The following ADAMTSL1 variants were observed in gnomAD, a reference collection of about 807,000 sequenced individuals.
ADAMTSL1 encodes the protein ADAMTS-like protein 1.
In ADAMTSL1, 126 loss-of-function variants were observed where a neutral mutation model predicts 201.8. That is an observed-to-expected ratio of 0.62 (90% CI 0.54 to 0.72). The LOEUF (loss-of-function observed/expected upper bound fraction) is 0.72. Among genes scored for constraint, ADAMTSL1 ranks in the 30% least tolerant of loss-of-function variants. The probability of loss-of-function intolerance (pLI) is 0.00; values close to 1 mark genes in which losing one functional copy is unlikely to be tolerated. For missense variants in ADAMTSL1, 2,679 were observed against 2,277.8 expected (o/e 1.18, Z -3.59); for synonymous variants, 1,121 against 903.4 (o/e 1.24, Z -4.32).
At chr9:18,791,486 T>C (rs1822048189) in intron 19 of ADAMTSL1, among the ~76,000 whole-genome samples, 1 of 152,038 alleles carries the variant, frequency 6.6e-6, no homozygotes, top group Non-Finnish European at 1.5e-5. Context: ...ACTAAACAGT[T>C]GAGTCTTATG....
intron 7 of ADAMTSL1, among the ~76,000 whole-genome samples, chr9:18,647,693 G>A (rs13300862): frequency 0.095 from 13,672 of 143,546 alleles, 781 homozygotes; most frequent in Non-Finnish European, 0.14. Context: ...GTAGTTGAGT[G>A]GTTTTGAGTG....
chr9:18,244,842 C>G (rs1443908232), intron 2 of ADAMTSL1, among the ~76,000 whole-genome samples: 1 of 152,096 alleles, frequency 6.6e-6, no homozygotes, highest in Non-Finnish European at 1.5e-5. Context: ...CCCCTTCCAC[C>G]CTACTGTAAC....
intron 15 of ADAMTSL1, chr9:18,723,005 G>A (rs1471295282): frequency 5.1e-6 from 4 of 778,800 alleles, no homozygotes; most frequent in Non-Finnish European, 9.6e-6. Context: ...CTACAGTCCT[G>A]TCATCTAGGA....
At chr9:18,344,679 C>A (rs969931971) in intron 2 of ADAMTSL1, among the ~76,000 whole-genome samples, 2 of 152,086 alleles carry the variant, frequency 1.3e-5, no homozygotes, top group Non-Finnish European at 2.9e-5. Context: ...TGGCCATTAA[C>A]ATTGATACAG....
Position 18,436,719 on chromosome 9 carries a change from C to T in ADAMTSL1, c.208-68110C>T, listed in dbSNP as rs56366948. Among the ~76,000 whole-genome samples the T allele has an allele frequency of 1.8e-4, 27 of 152,286 alleles. No individual in the cohort carries two copies. In the South Asian group the frequency reaches 4.4e-3, roughly 25 times the overall value. On this transcript the variant is annotated intron_variant, in intron 2 of 29. Transcript: ENST00000680146. ...TAATTGATGCTGCTGATTCCCCCCT[C>T]CTCCTGGAAAATCCCTCTTTAGTTT...
At chr9:18,137,984 C>T (rs1004953144) in intron 1 of ADAMTSL1, among the ~76,000 whole-genome samples, 2 of 152,032 alleles carry the variant, frequency 1.3e-5, no homozygotes, top group South Asian at 2.1e-4. Flanking sequence ...AGTGGACAGC[C>T]GGACCAACTC....
chr9:17,982,099 T>C (rs1818730108), intron 1 of ADAMTSL1, among the ~76,000 whole-genome samples: 2 of 152,194 alleles, frequency 1.3e-5, no homozygotes, highest in African/African-American at 4.8e-5. Context: ...ATAGTTCTCT[T>C]TTAAATACTG....
chr9:18,375,921 A>G (rs1378769221), intron 2 of ADAMTSL1, among the ~76,000 whole-genome samples: 1 of 152,032 alleles, frequency 6.6e-6, no homozygotes, highest in African/African-American at 2.4e-5. Flanking sequence ...GTGTGTTTTT[A>G]CAGAGCACTG....
At chr9:18,079,748 C>A (rs1050717486) in intron 1 of ADAMTSL1, among the ~76,000 whole-genome samples, 9 of 151,692 alleles carry the variant, frequency 5.9e-5, no homozygotes, top group Non-Finnish European at 1.0e-4. Flanking sequence ...TAAAAAGCAA[C>A]CATTGGTACA....
intron 21 of ADAMTSL1, 109 bp from the exon 22 acceptor site, chr9:18,826,175 T>C: frequency 4.6e-6 from 6 of 1,317,196 alleles, no homozygotes; most frequent in Non-Finnish European, 6.4e-6. Context: ...GATGTCCCTG[T>C]AGAGCAGCCC....
intron 1 of ADAMTSL1, among the ~76,000 whole-genome samples, chr9:18,078,874 A>G (rs1031972601): frequency 1.3e-5 from 2 of 152,338 alleles, no homozygotes; most frequent in Middle Eastern, 3.4e-3. Flanking sequence ...CATCTCTGGC[A>G]TCAAGAAACA....
At chr9:18,080,038 A>T (rs930334345) in intron 1 of ADAMTSL1, among the ~76,000 whole-genome samples, 2 of 152,212 alleles carry the variant, frequency 1.3e-5, no homozygotes, top group Admixed American at 6.5e-5. Context: ...TGTACTGATG[A>T]TGACAAGGGT....
intron 1 of ADAMTSL1, among the ~76,000 whole-genome samples, chr9:17,934,881 C>T (rs1376055752): frequency 2.2e-5 from 3 of 139,054 alleles, no homozygotes; most frequent in Admixed American, 7.8e-5. Flanking sequence ...TTCTTCCCCT[C>T]TTTCTGCATC....
intron 3 of ADAMTSL1, among the ~76,000 whole-genome samples, chr9:18,567,834 T>C (rs1424022725): frequency 6.6e-6 from 1 of 152,166 alleles, no homozygotes; most frequent in Non-Finnish European, 1.5e-5. Context: ...ATAAATCACA[T>C]TGAGAAATTA....
At chr9:18,186,047 A>G (rs1395170296) in intron 2 of ADAMTSL1, among the ~76,000 whole-genome samples, 1 of 152,192 alleles carries the variant, frequency 6.6e-6, no homozygotes, top group Non-Finnish European at 1.5e-5. Flanking sequence ...TAGTAAGTAA[A>G]TATTTTAAGT....
chr9:18,512,062 A>G (rs1202466853), intron 2 of ADAMTSL1, among the ~76,000 whole-genome samples: 1 of 152,196 alleles, frequency 6.6e-6, no homozygotes. Context: ...CAGAGTGGGT[A>G]TGACTACTCA....
chr9:18,838,117 G>T (rs553014164), intron 23 of ADAMTSL1, among the ~76,000 whole-genome samples: 1 of 152,048 alleles, frequency 6.6e-6, no homozygotes, highest in Non-Finnish European at 1.5e-5. Context: ...ATGGCAGAAG[G>T]CAAGGAGAAG....
At chr9:18,508,832 T>G (rs1353346511) in intron 2 of ADAMTSL1, among the ~76,000 whole-genome samples, 1 of 152,202 alleles carries the variant, frequency 6.6e-6, no homozygotes, top group East Asian at 1.9e-4. Flanking sequence ...GGTCATTGCT[T>G]AAATATGGCC....
intron 2 of ADAMTSL1, among the ~76,000 whole-genome samples, chr9:18,173,620 A>T (rs1184586138): frequency 6.6e-6 from 1 of 152,164 alleles, no homozygotes; most frequent in Non-Finnish European, 1.5e-5. Flanking sequence ...CAACAAATAG[A>T]TACCAAGATT....
Sources: gnomAD v4.1 joint callset for allele counts (sites outside exome capture counted in the v4.1 genomes callset) on GRCh38, gnomAD v4.1.1 for gene constraint, MANE v1.5 for transcripts, NCBI Gene and HGNC (gene_info 2026-07-23, HGNC 2026-07-21) for gene names.